Variants in AMPH observed in about 807,000 individuals in gnomAD.
AMPH encodes amphiphysin (Stiff-Mann syndrome with breast cancer 128kD autoantigen).
In AMPH, 49 loss-of-function variants were observed where a neutral mutation model predicts 99.1. That is an observed-to-expected ratio of 0.49 (90% CI 0.39 to 0.63). The LOEUF (loss-of-function observed/expected upper bound fraction) is 0.63. Among genes scored for constraint, AMPH ranks in the 20% least tolerant of loss-of-function variants. The pLI is 0.00. For missense variants in AMPH, 759 were observed against 863.4 expected, an observed-to-expected ratio of 0.88 and a Z score of 1.52; for synonymous variants, 314 against 317.3, an observed-to-expected ratio of 0.99 and a Z score of 0.11.
chr7:38,461,894 T>C (rs957734648), intron 10 of AMPH, among the ~76,000 whole-genome samples: 6 of 152,264 alleles, frequency 3.9e-5, no homozygotes, highest in Non-Finnish European at 8.8e-5. Flanking sequence ...TTAATGCATG[T>C]ATCTTCCCAA....
intron 11 of AMPH, among the ~76,000 whole-genome samples, chr7:38,438,641 G>C (rs1447671497): frequency 6.6e-6 from 1 of 152,072 alleles, no homozygotes; most frequent in Non-Finnish European, 1.5e-5. Flanking sequence ...ATGAAATGAG[G>C]CATCAGACTA....
chr7:38,527,039 T>A (rs6957726), intron 2 of AMPH, among the ~76,000 whole-genome samples: 1 of 152,084 alleles, frequency 6.6e-6, no homozygotes, highest in African/African-American at 2.4e-5. Flanking sequence ...CACTGAATTG[T>A]TTTTAAACCT....
At chr7:38,628,492 A>C (rs1451185967) in intron 1 of AMPH, among the ~76,000 whole-genome samples, 1 of 152,234 alleles carries the variant, frequency 6.6e-6, no homozygotes, top group Non-Finnish European at 1.5e-5. Context: ...ACACTGGAAA[A>C]ATGAATATTC....
At chr7:38,546,611 T>C (rs1384832132) in intron 1 of AMPH, among the ~76,000 whole-genome samples, 1 of 152,194 alleles carries the variant, frequency 6.6e-6, no homozygotes, top group Non-Finnish European at 1.5e-5. Context: ...CTTTGGGCAA[T>C]ATCATCACAT....
At chr7:38,448,315 T>C (rs774643474) in intron 11 of AMPH, among the ~76,000 whole-genome samples, 14 of 152,314 alleles carry the variant, frequency 9.2e-5, no homozygotes, top group Non-Finnish European at 1.8e-4. Flanking sequence ...AAGTATTTGT[T>C]CCACAAAGTT....
intron 17 of AMPH, among the ~76,000 whole-genome samples, chr7:38,398,076 A>G (rs1784722641): frequency 6.6e-6 from 1 of 150,904 alleles, no homozygotes; most frequent in African/African-American, 2.4e-5. Flanking sequence ...AATTAATGCA[A>G]CTATTATGGT....
intron 12 of AMPH, among the ~76,000 whole-genome samples, chr7:38,434,515 A>G (rs1489600265): frequency 6.6e-6 from 1 of 152,120 alleles, no homozygotes; most frequent in African/African-American, 2.4e-5. Context: ...CGAGGTGGGC[A>G]GATCACGCGG....
At chr7:38,486,411 C>CT (rs1788495428) in intron 5 of AMPH, among the ~76,000 whole-genome samples, 1 of 152,010 alleles carries the variant, frequency 6.6e-6, no homozygotes, top group African/African-American at 2.4e-5. Flanking sequence ...TTGAACACAT[C>CT]TTTAAGTAGT....
In AMPH at chr7:38,417,841, G is replaced by T; in HGVS notation, c.1382C>A (p.Pro461Gln). 6.2e-7 allele frequency: 1 copy of T among 1,614,010 alleles called. No homozygotes were observed. Among genetic ancestry groups the T allele is most frequent in the Non-Finnish European group, 8.5e-7 (1 of 1,179,942 alleles). The change falls in exon 17 of 21, where the codon CCA becomes CAA. Residue 461 changes from proline to glutamine, a missense_variant. Pro to Gln is a moderately conservative substitution (Grantham distance 76). Coordinates refer to ENST00000356264, the MANE Select transcript of AMPH (RefSeq NM_001635.4). ...DLGMDTRAEEPVEEAVIIPGA... is the reference protein window; with the variant it reads ...DLGMDTRAEEQVEEAVIIPGA... ...GGTGCTCACCACTGCCTCCTCCACT[G>T]GCTCCTCAGCCCGAGTGTCCATTCC...
At chr7:38,542,914 T>G (rs1353765426) in intron 1 of AMPH, among the ~76,000 whole-genome samples, 1 of 152,014 alleles carries the variant, frequency 6.6e-6, no homozygotes, top group African/African-American at 2.4e-5. Context: ...GCCAATATGG[T>G]GAAACCCTGT....
intron 4 of AMPH, among the ~76,000 whole-genome samples, chr7:38,491,969 T>C (rs1445855907): frequency 1.3e-5 from 2 of 152,208 alleles, no homozygotes; most frequent in Non-Finnish European, 2.9e-5. Context: ...CCCCCAGTTA[T>C]ATGAGTTGGC....
At chr7:38,514,722 C>T (rs1377668694) in intron 2 of AMPH, among the ~76,000 whole-genome samples, 2 of 152,190 alleles carry the variant, frequency 1.3e-5, no homozygotes, top group Non-Finnish European at 2.9e-5. Flanking sequence ...AATGTCTGAG[C>T]AGATGCTGAT....
At chr7:38,629,902 T>G (rs1794396861) in intron 1 of AMPH, among the ~76,000 whole-genome samples, 1 of 152,106 alleles carries the variant, frequency 6.6e-6, no homozygotes, top group African/African-American at 2.4e-5. Context: ...AGGATGAGCT[T>G]GGGTAGATAT....
chr7:38,391,343 C>T (rs1050941368), intron 19 of AMPH, among the ~76,000 whole-genome samples: 36 of 152,044 alleles, frequency 2.4e-4, no homozygotes, highest in Admixed American at 2.3e-3. Flanking sequence ...TGTCATGCAC[C>T]CTACAAGGTG....
At chr7:38,409,490 G>A (rs1477546833) in intron 17 of AMPH, among the ~76,000 whole-genome samples, 3 of 152,132 alleles carry the variant, frequency 2.0e-5, no homozygotes, top group Admixed American at 2.0e-4. Flanking sequence ...TGTGACTGTA[G>A]GGGCAAGCTC....
At chr7:38,458,777 A>G (rs748679039) in intron 11 of AMPH, among the ~76,000 whole-genome samples, 3 of 152,202 alleles carry the variant, frequency 2.0e-5, no homozygotes, top group Non-Finnish European at 4.4e-5. Context: ...GAAAAGCTGA[A>G]AGCCTTTCTT....
chr7:38,605,776 T>G (rs1161497877), intron 1 of AMPH, among the ~76,000 whole-genome samples: 2 of 152,120 alleles, frequency 1.3e-5, no homozygotes, highest in African/African-American at 4.8e-5. Flanking sequence ...GAGACAGGGT[T>G]TCACTATGTT....
At chr7:38,483,988 G>T (rs1340468488) in intron 5 of AMPH, among the ~76,000 whole-genome samples, 1 of 151,854 alleles carries the variant, frequency 6.6e-6, no homozygotes, top group East Asian at 1.9e-4. Context: ...ATTCACTGGG[G>T]GGGCGTTCAG....
chr7:38,557,338 C>T (rs10264751), intron 1 of AMPH, among the ~76,000 whole-genome samples: 68,109 of 152,030 alleles, frequency 0.45, 15,778 homozygotes, highest in South Asian at 0.53. Flanking sequence ...TGAATTGTAG[C>T]TCCCACAATC....
Sources: allele counts gnomAD v4.1 joint callset (sites outside exome capture counted in the v4.1 genomes callset), GRCh38; gene constraint gnomAD v4.1.1; transcripts MANE v1.5; gene names NCBI Gene and HGNC (gene_info 2026-07-23, HGNC 2026-07-21).